RAB14: variants seen among roughly 807,000 people sequenced by gnomAD.
RAB14 encodes RAB14, member RAS oncogene family, also known as ras-related protein Rab-14.
RAB14 carries 3 observed loss-of-function variants against 31.1 expected under a neutral mutation model. The observed-to-expected ratio is 0.10, with a 90% CI of 0.04 to 0.25. RAB14 has a LOEUF of 0.25. Among genes scored for constraint, RAB14 ranks in the 10% least tolerant of loss-of-function variants. The pLI is 1.00. For missense variants in RAB14, 111 were observed against 260.1 expected (o/e 0.43, Z 3.94); for synonymous variants, 85 against 84.9 (o/e 1.00, Z 0.00).
At position 121,179,594 on chromosome 9, in the gene RAB14, G is replaced by C. The variant is rs187217534; in HGVS notation, c.*1802C>G. ...GTGATGCAACAGTGTAAGCAAAATG[G>C]ATCACTGTAAGTCTTTAACAGAATA... On this transcript the variant is annotated 3_prime_UTR_variant, in exon 8 of 8. Coordinates refer to ENST00000373840, the MANE Select transcript of RAB14 (RefSeq NM_016322.4). 1 of 152,708 alleles carries C rather than the reference G, an allele frequency of 6.5e-6. No individual in the cohort carries two copies. Among genetic ancestry groups the C allele is most frequent in the East Asian group, 1.9e-4 (1 of 5,186 alleles). The allele number at this position is 152,708 out of a possible 1,614,324, so 9.5% of individuals were successfully genotyped here.
chr9:121,193,388 A>C lies in RAB14; in HGVS notation c.25T>G (p.Ser9Ala). The change falls in exon 2 of 8, where the codon TCT becomes GCT. Residue 9 changes from serine to alanine, a missense_variant. Physicochemically the swap from Ser to Ala is moderately conservative, Grantham distance 99. Transcript: ENST00000373840. ...ATAATAATATATTTAAAGATGTAAG[A>C]GTAGTTGTATGGTGCAGTTGCCATG... MATAPYNYSYIFKYIIIGD... is the reference protein window; with the variant it reads MATAPYNYAYIFKYIIIGD... 1 of 1,586,550 alleles carries C rather than the reference A, an allele frequency of 6.3e-7. No individual in the cohort carries two copies. The highest frequency in any genetic ancestry group is 8.6e-7 in the Non-Finnish European group (1 of 1,169,178).
chr9:121,201,249 C>T (rs2053772793), intron 1 of RAB14, among the ~76,000 whole-genome samples: 1 of 152,194 alleles, frequency 6.6e-6, no homozygotes, highest in Admixed American at 6.5e-5. Flanking sequence ...GTGGGTACAC[C>T]CTGCGGGGGC....
At chr9:121,193,619 T>G (rs72760265) in intron 1 of RAB14, among the ~76,000 whole-genome samples, 200 bp from the exon 2 acceptor site, 12,373 of 152,196 alleles carry the variant, frequency 0.081, 528 homozygotes, top group Non-Finnish European at 0.1. Context: ...CACATTCTCA[T>G]GTGCTATCCA....
intron 4 of RAB14, among the ~76,000 whole-genome samples, chr9:121,189,478 T>C (rs2053675391): frequency 6.6e-6 from 1 of 152,134 alleles, no homozygotes; most frequent in Non-Finnish European, 1.5e-5. Context: ...CTGGCTATAA[T>C]GAAGGGCATT....
At chr9:121,182,879 C>CT (rs1264396039) in intron 7 of RAB14, 51 bp downstream of exon 7, 6 of 1,527,522 alleles carry the variant, frequency 3.9e-6, no homozygotes, top group Non-Finnish European at 5.4e-6. Flanking sequence ...TACGGTTCTA[C>CT]TTTGAGAAAC....
chr9:121,189,690 T>A (rs774577280), intron 4 of RAB14, among the ~76,000 whole-genome samples: 1 of 152,152 alleles, frequency 6.6e-6, no homozygotes, highest in African/African-American at 2.4e-5. Flanking sequence ...AGAGTCTTAA[T>A]ATGCTAACGC....
intron 2 of RAB14, among the ~76,000 whole-genome samples, chr9:121,193,082 A>G (rs1406676284): frequency 6.6e-6 from 1 of 152,152 alleles, no homozygotes; most frequent in African/African-American, 2.4e-5. Flanking sequence ...CACTCCTTGA[A>G]ACACTGATAC....
At chr9:121,182,909 C>T (rs758993775) in intron 7 of RAB14, 21 bp downstream of exon 7, 38 of 1,592,178 alleles carry the variant, frequency 2.4e-5, no homozygotes, top group Non-Finnish European at 3.1e-5. Flanking sequence ...ATTGAAATAT[C>T]TGTATTTTGG....
At chr9:121,189,813 A>T (rs2053677195) in intron 4 of RAB14, among the ~76,000 whole-genome samples, 2 of 152,198 alleles carry the variant, frequency 1.3e-5, no homozygotes, top group Admixed American at 1.3e-4. Flanking sequence ...CAAGAAACAG[A>T]GTCACATTGC....
intron 5 of RAB14, among the ~76,000 whole-genome samples, chr9:121,184,037 G>A (rs180856685): frequency 6.6e-6 from 1 of 152,310 alleles, no homozygotes; most frequent in Admixed American, 6.5e-5. Flanking sequence ...TAAGGAAACT[G>A]AAGCTCAAAT....
chr9:121,199,532 A>G (rs550136637), intron 1 of RAB14, among the ~76,000 whole-genome samples: 6 of 152,336 alleles, frequency 3.9e-5, no homozygotes, highest in African/African-American at 1.4e-4. Flanking sequence ...CCACTAGCAC[A>G]ATATCTTACT....
intron 1 of RAB14, among the ~76,000 whole-genome samples, chr9:121,200,397 C>G (rs1365751509): frequency 6.6e-6 from 1 of 152,172 alleles, no homozygotes; most frequent in Non-Finnish European, 1.5e-5. Context: ...GGGATAGTAA[C>G]GAAATGAGCA....
In RAB14 at chr9:121,192,230, TAA is replaced by T; in HGVS notation, c.53-8_53-7del. 1 of 1,570,038 alleles carries T rather than the reference TAA, an allele frequency of 6.4e-7. No individual in the cohort carries two copies. The highest frequency in any genetic ancestry group is 8.7e-7 in the Non-Finnish European group (1 of 1,155,502). On this transcript the variant is annotated splice_region_variant and splice_polypyrimidine_tract_variant and intron_variant, in intron 2 of 7. Coordinates refer to ENST00000373840, the MANE Select transcript of RAB14 (RefSeq NM_016322.4). ...TTTTCCTACTCCCATGTCCCCTGTT[TAA>T]AAAAAAAGAAGTTTCAGGTGGCAAT... is the stretch of plus-strand genomic sequence containing the variant.
chr9:121,198,260 C>T (rs1414208355), intron 1 of RAB14, among the ~76,000 whole-genome samples: 2 of 152,128 alleles, frequency 1.3e-5, no homozygotes, highest in East Asian at 3.8e-4. Context: ...CAAAAACAAA[C>T]AAATCTCCCA....
intron 1 of RAB14, among the ~76,000 whole-genome samples, chr9:121,198,666 A>G (rs985596378): frequency 2.0e-5 from 3 of 152,212 alleles, no homozygotes; most frequent in African/African-American, 7.2e-5. Flanking sequence ...TGTAGTTCCA[A>G]CATAAACATA....
chr9:121,190,488 ATTTT>A, intron 4 of RAB14, 62 bp downstream of exon 4: 1 of 1,391,968 alleles, frequency 7.2e-7, no homozygotes. Flanking sequence ...ATGCCTATCA[ATTTT>A]TTTTTAAATG....
Position 121,180,488 on chromosome 9 carries a change from C to T in RAB14, c.*908G>A, listed in dbSNP as rs1442010317. The T allele has an allele frequency of 2.0e-5, 3 of 152,614 alleles. No individual in the cohort carries two copies. The highest frequency in any genetic ancestry group is 4.4e-5 in the Non-Finnish European group (3 of 68,032). The allele number at this position is 152,614 out of a possible 1,614,324, so 9.5% of individuals were successfully genotyped here. On this transcript the variant is annotated 3_prime_UTR_variant, in exon 8 of 8. Coordinates refer to ENST00000373840, the MANE Select transcript of RAB14 (RefSeq NM_016322.4). ...GGAACAGAATCTGCTAGTGTTAATC[C>T]TCTGATGCTAGGAGCTCTTTCCAGC... is the stretch of plus-strand genomic sequence containing the variant.
At position 121,183,284 on chromosome 9, in the gene RAB14, T is replaced by TAA. The variant is rs749470422; in HGVS notation, c.439+26_439+27insTT. On this transcript the variant is annotated intron_variant, in intron 6 of 7. Transcript: ENST00000373840. ...CTTTCCTTAAAAATTCTCCCAATTG[T>TAA]GACCATTAAGTCTTAAAGAAACTCA... 19 of 1,553,906 alleles carry TAA rather than the reference T, an allele frequency of 1.2e-5. No homozygotes were observed. In the African/African-American group the frequency reaches 2.6e-4, roughly 21 times the overall value.
intron 1 of RAB14, among the ~76,000 whole-genome samples, chr9:121,197,741 A>G (rs1010811044): frequency 6.6e-6 from 1 of 152,200 alleles, no homozygotes; most frequent in African/African-American, 2.4e-5. Context: ...ACAATAATCC[A>G]AATCATCCTT....
Sources: gnomAD v4.1 joint callset for allele counts (sites outside exome capture counted in the v4.1 genomes callset) on GRCh38, gnomAD v4.1.1 for gene constraint, MANE v1.5 for transcripts, NCBI Gene and HGNC (gene_info 2026-07-23, HGNC 2026-07-21) for gene names.